The following ROBO2 variants were observed in gnomAD, a reference collection of about 807,000 sequenced individuals.
The protein encoded by ROBO2 is roundabout guidance receptor 2, also known as roundabout homolog 2.
In ROBO2, 53 loss-of-function variants were observed where a neutral mutation model predicts 160.8. That is an observed-to-expected ratio of 0.33 (90% CI 0.26 to 0.41). The LOEUF (loss-of-function observed/expected upper bound fraction) is 0.41, where lower values mean the gene tolerates loss of function less well. Among genes scored for constraint, ROBO2 ranks in the 10% least tolerant of loss-of-function variants. ROBO2 has a pLI of 1.00. For missense variants in ROBO2, 1,577 were observed against 1,722.4 expected (o/e 0.92, Z 1.49); for synonymous variants, 664 against 611.7 (o/e 1.09, Z -1.26).
intron 2 of ROBO2, among the ~76,000 whole-genome samples, chr3:75,995,787 G>C (rs1332660429): frequency 6.6e-6 from 1 of 152,220 alleles, no homozygotes; most frequent in East Asian, 1.9e-4. Context: ...GAGTTGCCAA[G>C]GCTGTGGAAG....
intron 2 of ROBO2, among the ~76,000 whole-genome samples, chr3:76,954,114 G>T (rs1323267627): frequency 1.3e-5 from 2 of 152,106 alleles, no homozygotes; most frequent in African/African-American, 2.4e-5. Flanking sequence ...AAATATTTAG[G>T]CAGCAGAATT....
chr3:76,516,306 C>CA (rs1161321868), intron 2 of ROBO2, among the ~76,000 whole-genome samples: 1 of 152,158 alleles, frequency 6.6e-6, no homozygotes, highest in Non-Finnish European at 1.5e-5. Context: ...TCCATACCCA[C>CA]ACCTGCTGCT....
At chr3:76,715,664 C>A (rs1261518143) in intron 2 of ROBO2, among the ~76,000 whole-genome samples, 3 of 152,092 alleles carry the variant, frequency 2.0e-5, no homozygotes, top group East Asian at 3.9e-4. Context: ...AAGGTCAGAG[C>A]CATGAGAATG....
intron 2 of ROBO2, among the ~76,000 whole-genome samples, chr3:75,963,583 G>A (rs1486831132): frequency 6.6e-6 from 1 of 151,766 alleles, no homozygotes; most frequent in Non-Finnish European, 1.5e-5. Context: ...AACGTAGTTG[G>A]GTGCTGGCTT....
At chr3:77,394,264 C>A (rs1397738688) in intron 2 of ROBO2, among the ~76,000 whole-genome samples, 1 of 152,086 alleles carries the variant, frequency 6.6e-6, no homozygotes, top group African/African-American at 2.4e-5. Context: ...ATGTGAAGAC[C>A]ATTTGACCCA....
At chr3:77,029,707 T>A (rs1487538854) in intron 2 of ROBO2, among the ~76,000 whole-genome samples, 1 of 152,190 alleles carries the variant, frequency 6.6e-6, no homozygotes, top group African/African-American at 2.4e-5. Context: ...TTTGATATGA[T>A]CCTTATTATA....
At chr3:76,963,422 A>G (rs1370644618) in intron 2 of ROBO2, among the ~76,000 whole-genome samples, 1 of 152,178 alleles carries the variant, frequency 6.6e-6, no homozygotes. Context: ...TTATGCTTAT[A>G]CCATGAGGGG....
chr3:76,195,891 C>G (rs760354829), intron 2 of ROBO2, among the ~76,000 whole-genome samples: 17 of 152,198 alleles, frequency 1.1e-4, no homozygotes, highest in African/African-American at 4.1e-4. Flanking sequence ...GTGCCACTTA[C>G]GTCTTAGCCA....
intron 2 of ROBO2, among the ~76,000 whole-genome samples, chr3:76,121,598 A>G (rs1360614024): frequency 6.6e-6 from 1 of 152,182 alleles, no homozygotes; most frequent in African/African-American, 2.4e-5. Context: ...TGCTGCCTAC[A>G]GTACTGAAAC....
intron 2 of ROBO2, among the ~76,000 whole-genome samples, chr3:76,035,962 C>T (rs570180949): frequency 1.3e-5 from 2 of 152,010 alleles, no homozygotes; most frequent in East Asian, 3.9e-4. Flanking sequence ...TAACAGCTTT[C>T]GAAGAATTAC....
chr3:76,489,157 T>A (rs938636951), intron 2 of ROBO2, among the ~76,000 whole-genome samples: 3 of 150,076 alleles, frequency 2.0e-5, no homozygotes, highest in Admixed American at 6.6e-5. Flanking sequence ...TTTTTTTGTT[T>A]TTTTTTTTGG....
chr3:77,181,426 G>A (rs1281328000), intron 2 of ROBO2, among the ~76,000 whole-genome samples: 2 of 152,028 alleles, frequency 1.3e-5, no homozygotes, highest in African/African-American at 2.4e-5. Flanking sequence ...ACCAGTGACT[G>A]AGAATACGGC....
chr3:76,115,005 T>G (rs184242541), intron 2 of ROBO2, among the ~76,000 whole-genome samples: 3 of 152,260 alleles, frequency 2.0e-5, no homozygotes, highest in Non-Finnish European at 2.9e-5. Context: ...TTTATGATAG[T>G]TCCGGGATTT....
intron 1 of ROBO2, among the ~76,000 whole-genome samples, chr3:77,082,405 A>T (rs2068759806): frequency 6.6e-6 from 1 of 152,082 alleles, no homozygotes; most frequent in Non-Finnish European, 1.5e-5. Flanking sequence ...AAAGTCATGG[A>T]TTATGCTCTT....
chr3:76,808,411 C>T (rs1243175634), intron 2 of ROBO2, among the ~76,000 whole-genome samples: 2 of 152,076 alleles, frequency 1.3e-5, no homozygotes, highest in Admixed American at 1.3e-4. Context: ...CTCCTTCCTC[C>T]TCTGTCCCAG....
chr3:76,120,994 G>A (rs1282263033), intron 2 of ROBO2, among the ~76,000 whole-genome samples: 1 of 152,058 alleles, frequency 6.6e-6, no homozygotes, highest in Non-Finnish European at 1.5e-5. Context: ...TTTTTGAGGA[G>A]TCTAATTGAA....
intron 2 of ROBO2, among the ~76,000 whole-genome samples, chr3:76,722,305 A>G (rs1275683991): frequency 1.3e-5 from 2 of 152,108 alleles, no homozygotes; most frequent in Non-Finnish European, 2.9e-5. Context: ...TATTTTTAGT[A>G]GAGACAGGGT....
At chr3:77,107,926 C>G (rs553187338) in intron 2 of ROBO2, among the ~76,000 whole-genome samples, 3 of 151,892 alleles carry the variant, frequency 2.0e-5, no homozygotes, top group African/African-American at 7.3e-5. Flanking sequence ...TATAAATCTG[C>G]CTGCCTCATT....
intron 2 of ROBO2, chr3:75,937,697 T>A: frequency 1.5e-6 from 1 of 681,824 alleles, no homozygotes; most frequent in Non-Finnish European, 2.2e-6. Flanking sequence ...TTTAAGCAAT[T>A]TGTTGTAATT....
Sources: gnomAD v4.1 joint callset for allele counts (sites outside exome capture counted in the v4.1 genomes callset) on GRCh38, gnomAD v4.1.1 for gene constraint, MANE v1.5 for transcripts, NCBI Gene and HGNC (gene_info 2026-07-23, HGNC 2026-07-21) for gene names.